Variants in SH3PXD2A observed in about 807,000 individuals in gnomAD.
SH3PXD2A encodes SH3 and PX domain-containing protein 2A.
In SH3PXD2A, 32 loss-of-function variants were observed where a neutral mutation model predicts 115.2. The ratio of observed to expected loss-of-function variants is 0.28; its 90% CI spans 0.21 to 0.37. The LOEUF is 0.37. SH3PXD2A is among the 10% of genes least tolerant of loss of function. SH3PXD2A has a pLI of 1.00. For missense variants in SH3PXD2A, 1,328 were observed against 1,498.7 expected (o/e 0.89, Z 1.88); for synonymous variants, 610 against 629.1 (o/e 0.97, Z 0.45).
chr10:103,660,873 T>G, intron 8 of SH3PXD2A, 110 bp downstream of exon 8: 1 of 1,245,032 alleles, frequency 8.0e-7, no homozygotes, highest in Non-Finnish European at 1.2e-6. Flanking sequence ...CTCTGCCAGA[T>G]GGAAATAACG....
At chr10:103,650,054 GA>G (rs2037095565) in intron 8 of SH3PXD2A, among the ~76,000 whole-genome samples, 1 of 152,238 alleles carries the variant, frequency 6.6e-6, no homozygotes, top group East Asian at 1.9e-4. Flanking sequence ...GGGGAGAGGA[GA>G]GGGGAGTTAG....
At chr10:103,788,642 G>A (rs1488016361) in intron 2 of SH3PXD2A, among the ~76,000 whole-genome samples, 2 of 152,074 alleles carry the variant, frequency 1.3e-5, no homozygotes, top group African/African-American at 4.8e-5. Flanking sequence ...CGAGACGGGC[G>A]GATCACTTGA....
intron 1 of SH3PXD2A, among the ~76,000 whole-genome samples, chr10:103,843,663 G>A (rs1347944037): frequency 6.6e-6 from 1 of 152,192 alleles, no homozygotes; most frequent in Non-Finnish European, 1.5e-5. Flanking sequence ...GGTCACATGG[G>A]CAGGTGACCT....
In SH3PXD2A at chr10:103,599,142, AG is replaced by A. The variant is rs1418051303; in HGVS notation, c.*2673del. ...TTAACTAGCTGTGGGATTTTGGAAA[AG>A]TTGTTTCCTGTCCTTGGGCCGCAGT... On this transcript the variant is annotated 3_prime_UTR_variant, in exon 15 of 15. Coordinates refer to ENST00000369774, the MANE Select transcript of SH3PXD2A (RefSeq NM_001394015.1). 6.6e-6 allele frequency: 1 copy of A among 151,756 alleles called. No homozygotes were observed. Among genetic ancestry groups the A allele is most frequent in the Non-Finnish European group, 1.5e-5 (1 of 67,830 alleles). 9.4% of individuals were successfully genotyped at this position (151,756 alleles called of 1,614,324 possible). A position where few individuals can be genotyped will look rare whatever the true frequency, so the allele number is the denominator to read the frequency against.
chr10:103,721,584 A>G (rs1053685304), intron 5 of SH3PXD2A, among the ~76,000 whole-genome samples: 1 of 152,234 alleles, frequency 6.6e-6, no homozygotes, highest in Admixed American at 6.5e-5. Context: ...TGCCTCCACC[A>G]TCAACGATCC....
At chr10:103,717,157 C>T (rs2038114572) in intron 5 of SH3PXD2A, among the ~76,000 whole-genome samples, 1 of 152,170 alleles carries the variant, frequency 6.6e-6, no homozygotes, top group South Asian at 2.1e-4. Flanking sequence ...GGTCTCTGAC[C>T]CCTGGCCCCC....
At chr10:103,811,318 G>A (rs1018990068) in intron 1 of SH3PXD2A, among the ~76,000 whole-genome samples, 17 of 152,288 alleles carry the variant, frequency 1.1e-4, no homozygotes, top group Non-Finnish European at 2.2e-4. Context: ...CTTCTTACAC[G>A]CACAATGGGA....
At chr10:103,782,967 C>G (rs1160073241) in intron 2 of SH3PXD2A, among the ~76,000 whole-genome samples, 3 of 150,258 alleles carry the variant, frequency 2.0e-5, no homozygotes, top group Admixed American at 2.0e-4. Flanking sequence ...ATGAGAGGTG[C>G]CATGTGAGCT....
chr10:103,704,775 T>C (rs548571879), intron 5 of SH3PXD2A, among the ~76,000 whole-genome samples: 1 of 152,152 alleles, frequency 6.6e-6, no homozygotes, highest in African/African-American at 2.4e-5. Context: ...AGAGCATACA[T>C]GTAAAGGACG....
chr10:103,619,119 C>T (rs1437554760), intron 10 of SH3PXD2A, among the ~76,000 whole-genome samples: 3 of 152,224 alleles, frequency 2.0e-5, no homozygotes, highest in South Asian at 2.1e-4. Flanking sequence ...TGGTCAGCAT[C>T]GACTCAGGGA....
chr10:103,703,006 T>A (rs1302841699), intron 5 of SH3PXD2A, among the ~76,000 whole-genome samples: 1 of 152,084 alleles, frequency 6.6e-6, no homozygotes, highest in Non-Finnish European at 1.5e-5. Context: ...ACCTCTTGGG[T>A]CGATCCTTGG....
intron 5 of SH3PXD2A, among the ~76,000 whole-genome samples, chr10:103,693,875 CAG>C (rs1485440689): frequency 6.6e-6 from 1 of 152,178 alleles, no homozygotes; most frequent in African/African-American, 2.4e-5. Context: ...CAAATGCTGT[CAG>C]AGAAAGTAAC....
rs529278822 is a variant in SH3PXD2A at position 103,696,683 on chromosome 10, G to A, written c.399-3627C>T. ...CACAGGAAGAAGAGGAGGGGAGGAA[G>A]GGCGGGGCTAGCATCTCCCTCTAGC... On this transcript the variant is annotated intron_variant, in intron 5 of 14. Transcript: ENST00000369774. Among the ~76,000 whole-genome samples, 6 of 152,332 alleles carry A rather than the reference G, an allele frequency of 3.9e-5. No homozygotes were observed. In the South Asian group the frequency reaches 8.3e-4, roughly 21 times the overall value.
intron 2 of SH3PXD2A, among the ~76,000 whole-genome samples, chr10:103,771,968 G>C (rs909014670): frequency 1.3e-5 from 2 of 152,038 alleles, no homozygotes; most frequent in African/African-American, 4.8e-5. Flanking sequence ...GCTGCTCTCC[G>C]TCAGTCATCC....
chr10:103,634,972 C>A (rs907054706), intron 8 of SH3PXD2A, among the ~76,000 whole-genome samples: 1 of 152,078 alleles, frequency 6.6e-6, no homozygotes, highest in Non-Finnish European at 1.5e-5. Flanking sequence ...TGGCGGTGGT[C>A]GTTAATCACT....
chr10:103,701,826 TCATCTATCTAC>T (rs1271068053), intron 5 of SH3PXD2A, among the ~76,000 whole-genome samples: 6 of 144,418 alleles, frequency 4.2e-5, no homozygotes, highest in African/African-American at 1.6e-4. Context: ...CATCTGTCCA[TCATCTATCTAC>T]CATCTATCCA....
intron 1 of SH3PXD2A, among the ~76,000 whole-genome samples, chr10:103,847,189 A>C (rs1483490279): frequency 1.3e-5 from 2 of 152,170 alleles, no homozygotes; most frequent in Non-Finnish European, 2.9e-5. Context: ...GCTGTTGCCG[A>C]GGCTGGAATG....
At chr10:103,789,932 C>T (rs1048650139) in intron 2 of SH3PXD2A, among the ~76,000 whole-genome samples, 5 of 152,146 alleles carry the variant, frequency 3.3e-5, no homozygotes, top group Non-Finnish European at 5.9e-5. Context: ...ATGAGAGAGG[C>T]AGGTGACGGT....
At chr10:103,633,048 C>T (rs2036806055) in intron 8 of SH3PXD2A, among the ~76,000 whole-genome samples, 1 of 152,156 alleles carries the variant, frequency 6.6e-6, no homozygotes, top group Admixed American at 6.5e-5. Flanking sequence ...CAGGAAGGAC[C>T]TGAGACCTGA....
Sources: allele counts gnomAD v4.1 joint callset (sites outside exome capture counted in the v4.1 genomes callset), GRCh38; gene constraint gnomAD v4.1.1; transcripts MANE v1.5; gene names NCBI Gene and HGNC (gene_info 2026-07-23, HGNC 2026-07-21).